The following GSDME variants were observed in gnomAD, a reference collection of about 807,000 sequenced individuals.
GSDME encodes the protein gasdermin-E.
Under a neutral mutation model 47.5 loss-of-function variants are expected in GSDME, and 44 were observed. That is an observed-to-expected ratio of 0.93 (90% CI 0.73 to 1.19). GSDME has a LOEUF of 1.19. GSDME is among the 50% of genes most tolerant of loss of function. The pLI is 0.00. For missense variants in GSDME, 663 were observed against 604.2 expected, an observed-to-expected ratio of 1.10 and a Z score of -1.02; for synonymous variants, 258 against 252.8, an observed-to-expected ratio of 1.02 and a Z score of -0.20.
the GSDME span, among the ~76,000 whole-genome samples, chr7:24,786,230 T>C: frequency 8.5e-5 from 13 of 152,234 alleles, no homozygotes; most frequent in Admixed American, 7.2e-4. The surrounding 1 kb of genome is among the most constrained non-coding windows in gnomAD (Gnocchi z 5.5). Flanking sequence ...ATTCCCATCC[T>C]GGGGTTCTTT....
chr7:24,744,763 G>A lies in GSDME; in HGVS notation c.212-9C>T. On this transcript the variant is annotated splice_polypyrimidine_tract_variant and intron_variant, in intron 2 of 9. Coordinates refer to ENST00000645220, the MANE Select transcript of GSDME (RefSeq NM_001127453.2). The surrounding 1 kb of genome is among the most constrained non-coding windows in gnomAD (Gnocchi z 4.5). The stretch of plus-strand genomic sequence containing the variant: ...GTCCGACTCCACGACCACTGGAATG[G>A]AGGAGACGAGCAGAGGAAGCCGATG... 2 of 1,613,916 alleles carry A rather than the reference G, an allele frequency of 1.2e-6. No homozygotes were observed. The highest frequency in any genetic ancestry group is 1.1e-5 in the South Asian group (1 of 91,050).
chr7:24,727,912 G>C (rs139803340), intron 3 of GSDME, among the ~76,000 whole-genome samples: 1 of 152,302 alleles, frequency 6.6e-6, no homozygotes, highest in African/African-American at 2.4e-5. Context: ...GCTTCTGCAG[G>C]AACTGTCCCC....
chr7:24,740,634 T>A (rs1242896502), intron 3 of GSDME, among the ~76,000 whole-genome samples: 1 of 151,994 alleles, frequency 6.6e-6, no homozygotes, highest in Non-Finnish European at 1.5e-5. Flanking sequence ...AAATGTCATA[T>A]ATCCCATAAA....
intron 1 of GSDME, 97 bp from the exon 2 acceptor site, chr7:24,749,890 C>G: frequency 1.3e-6 from 1 of 759,412 alleles, no homozygotes; most frequent in Non-Finnish European, 2.2e-6. Context: ...CACAACAGTT[C>G]ACATGAAAGA....
chr7:24,749,456 C>T, intron 2 of GSDME, 108 bp downstream of exon 2: 2 of 959,406 alleles, frequency 2.1e-6, no homozygotes, highest in Non-Finnish European at 3.3e-6. Context: ...GGGCCAAGAT[C>T]ACGCCACTGC....
Position 24,702,695 on chromosome 7 carries a change from T to C in GSDME, c.1257+65A>G, listed in dbSNP as rs766790642. The stretch of plus-strand genomic sequence containing the variant: ...TAGAGGTGTTTTACCGGCTGCTGGA[T>C]GTCTACCCCCTCATCATTTCCCCAT... On this transcript the variant is annotated intron_variant, in intron 9 of 9. Transcript: ENST00000645220. 11 of 1,370,880 alleles carry C rather than the reference T, an allele frequency of 8.0e-6. No individual in the cohort carries two copies. The South Asian group carries it at 1.2e-4, about 15-fold the overall frequency. The allele number at this position is 1,370,880 out of a possible 1,614,324, so 84.9% of individuals were successfully genotyped here.
chr7:24,786,140 T>A, the GSDME span, among the ~76,000 whole-genome samples: 1 of 152,168 alleles, frequency 6.6e-6, no homozygotes, highest in African/African-American at 2.4e-5. This position sits in a 1 kb window ranked among gnomAD's most constrained non-coding sequence, Gnocchi z 5.5. Context: ...AATCTGTCCA[T>A]CTGCTGTTGG....
chr7:24,728,354 C>T lies in GSDME; in HGVS notation c.405-9136G>A, dbSNP rs947898839. ...TTCTGCCGTTAACCATTCAGTCAACCGGGACGCACCCTCTTCGAGATGTTT... is the reference window on the plus strand; with the variant it reads ...TTCTGCCGTTAACCATTCAGTCAACTGGGACGCACCCTCTTCGAGATGTTT... On this transcript the variant is annotated intron_variant, in intron 3 of 9. Transcript: ENST00000645220. This position sits in a 1 kb window ranked among gnomAD's most constrained non-coding sequence, Gnocchi z 7.2. 1.1e-4 allele frequency among the ~76,000 whole-genome samples: 16 copies of T among 152,266 alleles called. No individual in the cohort carries two copies. Among genetic ancestry groups the T allele is most frequent in the Admixed American group, 6.5e-4 (10 of 15,302 alleles).
At chr7:24,776,102 C>G in the GSDME span, among the ~76,000 whole-genome samples, 1 of 149,602 alleles carries the variant, frequency 6.7e-6, no homozygotes, top group South Asian at 2.1e-4. Context: ...ATGGCTTGAA[C>G]CTGAGAGGCA....
chr7:24,747,043 C>A (rs1007156766), intron 2 of GSDME, among the ~76,000 whole-genome samples: 2 of 152,198 alleles, frequency 1.3e-5, no homozygotes, highest in Admixed American at 1.3e-4. Context: ...CTGCAGTGAC[C>A]GCCACTGGCC....
intron 3 of GSDME, among the ~76,000 whole-genome samples, chr7:24,743,466 C>G (rs1790551403): frequency 6.6e-6 from 1 of 152,226 alleles, no homozygotes; most frequent in Admixed American, 6.5e-5. Context: ...AACTTCTCAA[C>G]TGAACTCCCT....
chr7:24,717,376 T>C lies in GSDME; in HGVS notation c.577-2A>G, dbSNP rs1189882754. 6.2e-7 allele frequency: 1 copy of C among 1,614,166 alleles called. No individual in the cohort carries two copies. Among genetic ancestry groups the C allele is most frequent in the East Asian group, 2.2e-5 (1 of 44,878 alleles). On this transcript the variant is annotated splice_acceptor_variant, in intron 4 of 9. Coordinates refer to ENST00000645220, the MANE Select transcript of GSDME (RefSeq NM_001127453.2). LOFTEE classifies it high-confidence loss of function. ...ATTCCCATCCTCCGTCGCTGACACC[T>C]GTGGGCAAAAGCGCACACTCCCACC...
At chr7:24,782,070 TTTA>T in the GSDME span, among the ~76,000 whole-genome samples, 1 of 152,168 alleles carries the variant, frequency 6.6e-6, no homozygotes, top group Non-Finnish European at 1.5e-5. Flanking sequence ...TAAAAATTAA[TTTA>T]TTTTTTATTA....
At position 24,735,291 on chromosome 7, in the gene GSDME, A is replaced by G. The variant is rs538390794; in HGVS notation, c.404+9271T>C. On this transcript the variant is annotated intron_variant, in intron 3 of 9. Transcript: ENST00000645220. The surrounding 1 kb of genome is among the most constrained non-coding windows in gnomAD (Gnocchi z 4.4). ...CAGATCAGTCCTACAAGAAATGCTA[A>G]AGAGAGTATTTTAATCAGAAAGGAC... Among the ~76,000 whole-genome samples, 1 of 152,248 alleles carries G rather than the reference A, an allele frequency of 6.6e-6. No homozygotes were observed. The highest frequency in any genetic ancestry group is 2.1e-4 in the South Asian group (1 of 4,830).
At chr7:24,773,142 G>A in the GSDME span, among the ~76,000 whole-genome samples, 8 of 152,158 alleles carry the variant, frequency 5.3e-5, no homozygotes, top group Admixed American at 3.9e-4. This position sits in a 1 kb window ranked among gnomAD's most constrained non-coding sequence, Gnocchi z 5.4. Flanking sequence ...TGTTCTCCTG[G>A]AAACTCGTCA....
At chr7:24,783,744 A>T in the GSDME span, among the ~76,000 whole-genome samples, 3 of 152,016 alleles carry the variant, frequency 2.0e-5, no homozygotes, top group African/African-American at 7.2e-5. Flanking sequence ...CTTCACAGGC[A>T]GGGTGGGCAG....
intron 1 of GSDME, among the ~76,000 whole-genome samples, chr7:24,753,926 A>C (rs1777255837): frequency 6.6e-6 from 1 of 152,212 alleles, no homozygotes; most frequent in Non-Finnish European, 1.5e-5. Context: ...TCAAACACAT[A>C]AGATAACTAG....
intron 7 of GSDME, among the ~76,000 whole-genome samples, chr7:24,706,707 G>C (rs78186185): frequency 1.3e-5 from 2 of 152,302 alleles, no homozygotes; most frequent in Admixed American, 6.5e-5. Flanking sequence ...TTCAAGCATC[G>C]TCTTGTCTTG....
chr7:24,741,732 G>T (rs1368026308), intron 3 of GSDME, among the ~76,000 whole-genome samples: 2 of 152,198 alleles, frequency 1.3e-5, no homozygotes, highest in African/African-American at 4.8e-5. Flanking sequence ...GGCCACGCAT[G>T]TATCAACAAC....
Sources: gnomAD v4.1 joint callset for allele counts (sites outside exome capture counted in the v4.1 genomes callset) on GRCh38, gnomAD v4.1.1 for gene constraint, Gnocchi (gnomAD v3.1) non-coding constraint, MANE v1.5 for transcripts, NCBI Gene and HGNC (gene_info 2026-07-23, HGNC 2026-07-21) for gene names.